Variants in ACSM6 observed in about 807,000 individuals in gnomAD.
ACSM6 encodes the protein acyl-CoA synthetase medium chain family member 6, also known as acyl-coenzyme A synthetase ACSM6, mitochondrial.
A neutral mutation model predicts 51.1 loss-of-function variants in ACSM6; 35 were observed. The observed-to-expected ratio is 0.69, with a 90% CI of 0.52 to 0.91. The LOEUF (loss-of-function observed/expected upper bound fraction) is 0.91. Ranked by LOEUF, ACSM6 falls within the 40% of genes least tolerant of loss-of-function variation. The pLI, the probability that ACSM6 is intolerant of heterozygous loss-of-function variation, is 0.00. For missense variants in ACSM6, 509 were observed against 584.1 expected, an observed-to-expected ratio of 0.87 and a Z score of 1.32; for synonymous variants, 172 against 207.3, an observed-to-expected ratio of 0.83 and a Z score of 1.46.
At chr10:95,219,151 T>C (rs955809124) in intron 8 of ACSM6, among the ~76,000 whole-genome samples, 1 of 152,206 alleles carries the variant, frequency 6.6e-6, no homozygotes, top group Non-Finnish European at 1.5e-5. Context: ...CTCTTTGGGG[T>C]GCCCTGCATG....
intron 2 of ACSM6, chr10:95,201,500 T>G (rs991646527): frequency 4.4e-6 from 2 of 455,864 alleles, no homozygotes; most frequent in Non-Finnish European, 8.8e-6. Context: ...TTCTTTTCCA[T>G]GGCTGAGTAA....
intron 10 of ACSM6, chr10:95,228,111 G>A (rs995369731): frequency 4.0e-5 from 6 of 151,584 alleles, no homozygotes; most frequent in East Asian, 1.9e-4. Flanking sequence ...TCCATGGAAC[G>A]ATCCTGCAAA....
intron 2 of ACSM6, among the ~76,000 whole-genome samples, chr10:95,197,791 G>T (rs1376663051): frequency 6.6e-6 from 1 of 152,178 alleles, no homozygotes; most frequent in African/African-American, 2.4e-5. Flanking sequence ...CGGGCTGGGG[G>T]ACAGTCAGGT....
chr10:95,219,933 A>G (rs752861857), exon 9 of ACSM6: 171 of 1,613,724 alleles, frequency 1.1e-4, no homozygotes, highest in Middle Eastern at 1.6e-4. Context: ...ATTGAAGCCA[A>G]GCTCTCTGGG....
intron 2 of ACSM6, among the ~76,000 whole-genome samples, chr10:95,199,244 A>G (rs2133370817): frequency 6.6e-6 from 1 of 152,406 alleles, no homozygotes; most frequent in South Asian, 2.1e-4. Flanking sequence ...AAAACAAGAA[A>G]TGGAGAAAGG....
chr10:95,196,503 T>G (rs1489545653), intron 2 of ACSM6, among the ~76,000 whole-genome samples: 1 of 152,226 alleles, frequency 6.6e-6, no homozygotes, highest in Non-Finnish European at 1.5e-5. Context: ...TAGAAAATAC[T>G]GGTAAACATG....
At chr10:95,199,087 C>T (rs2034765025) in intron 2 of ACSM6, among the ~76,000 whole-genome samples, 1 of 152,190 alleles carries the variant, frequency 6.6e-6, no homozygotes, top group African/African-American at 2.4e-5. Context: ...ATCATGCTAC[C>T]TGACTTCAAA....
At chr10:95,204,526 C>T (rs2034824356) in intron 3 of ACSM6, among the ~76,000 whole-genome samples, 1 of 152,068 alleles carries the variant, frequency 6.6e-6, no homozygotes, top group Non-Finnish European at 1.5e-5. Context: ...TGCACTCCAG[C>T]CTGGGTGCCA....
In ACSM6 at chr10:95,228,491, T is replaced by C. The variant is rs2035063291; in HGVS notation, c.1303-153T>C. 4 of 664,652 alleles carry C rather than the reference T, an allele frequency of 6.0e-6. No homozygotes were observed. The East Asian group carries it at 1.3e-4, about 22-fold the overall frequency. The allele number at this position is 664,652 out of a possible 1,614,324, so 41.2% of individuals were successfully genotyped here. The stretch of plus-strand genomic sequence containing the variant: ...ATGACCAAGGAAAGTTCTCCGTGTT[T>C]GTTGAGTTTTCTATGTGAGATCCCC... On this transcript the variant is annotated intron_variant, in intron 10 of 10. Transcript: ENST00000341686.
chr10:95,200,730 A>G (rs1251641729), intron 2 of ACSM6, among the ~76,000 whole-genome samples: 1 of 151,828 alleles, frequency 6.6e-6, no homozygotes, highest in Non-Finnish European at 1.5e-5. Context: ...AGGAGGAAGA[A>G]AGTTGTAAAG....
chr10:95,201,631 T>C, intron 2 of ACSM6: 1 of 470,290 alleles, frequency 2.1e-6, no homozygotes, highest in South Asian at 1.6e-5. Flanking sequence ...TGAATGCAGG[T>C]GTCTTTTTTA....
chr10:95,194,605 C>T (rs1322050104), exon 2 of ACSM6: 3 of 1,552,052 alleles, frequency 1.9e-6, no homozygotes, highest in South Asian at 1.2e-5. Context: ...ACTCCAGGTG[C>T]CTAGTCCAAG....
At chr10:95,208,475 A>G (rs150354286) in intron 4 of ACSM6, among the ~76,000 whole-genome samples, 65 of 152,296 alleles carry the variant, frequency 4.3e-4, no homozygotes, top group African/African-American at 1.4e-3. Context: ...TTAAGTTTAT[A>G]CAAAAGTAAA....
At position 95,227,913 on chromosome 10, in the gene ACSM6, C is replaced by CA. The variant is rs576008718; in HGVS notation, c.1303-723dup. On this transcript the variant is annotated intron_variant, in intron 10 of 10. Coordinates refer to ENST00000341686, the Ensembl canonical transcript of ACSM6. ...CAAAACCCCATCTCTACTAAAAATA[C>CA]AAAAAAAATTAGCCGGGCTTGGTGA... Among the ~76,000 whole-genome samples the CA allele has an allele frequency of 8.9e-4, 135 of 151,828 alleles. 1 individual carries two copies. Among genetic ancestry groups the CA allele is most frequent in the African/African-American group, 2.9e-3 (118 of 41,392 alleles).
intron 10 of ACSM6, among the ~76,000 whole-genome samples, chr10:95,227,144 G>A (rs1236720949): frequency 6.6e-6 from 1 of 151,772 alleles, no homozygotes; most frequent in African/African-American, 2.4e-5. Flanking sequence ...TCACCACCAC[G>A]CCTAGCTAAT....
At position 95,207,426 on chromosome 10, in the gene ACSM6, A is replaced by G. The variant is rs1408312766; in HGVS notation, c.611+11A>G. The G allele has an allele frequency of 6.8e-6, 11 of 1,609,750 alleles. No homozygotes were observed. In the South Asian group the frequency reaches 1.2e-4, roughly 18 times the overall value. Reference sequence around the variant, plus strand: ...CAAGAAGTTGATTCAGTAAGTGGACACTGAATATGAGATGCTTAAATGAAG... The same window carrying G: ...CAAGAAGTTGATTCAGTAAGTGGACGCTGAATATGAGATGCTTAAATGAAG... On this transcript the variant is annotated intron_variant, in intron 4 of 10. Coordinates refer to ENST00000341686, the Ensembl canonical transcript of ACSM6.
At chr10:95,206,541 C>T (rs1287356034) in intron 3 of ACSM6, among the ~76,000 whole-genome samples, 2 of 152,140 alleles carry the variant, frequency 1.3e-5, no homozygotes, top group Non-Finnish European at 2.9e-5. Flanking sequence ...TAAAGCAGAT[C>T]CTTTTCCAAA....
intron 10 of ACSM6, among the ~76,000 whole-genome samples, chr10:95,228,014 G>A (rs1209012108): frequency 2.0e-5 from 3 of 152,078 alleles, no homozygotes; most frequent in Admixed American, 2.0e-4. Context: ...GATGTTGGCA[G>A]TGAGCCGACA....
rs7091276 is a variant in ACSM6, at chr10:95,197,466, T to C, written c.192+2789T>C. Among the ~76,000 whole-genome samples, 705 of 151,660 alleles carry C rather than the reference T, an allele frequency of 4.6e-3. 4 individuals carry two copies. Among genetic ancestry groups the C allele is most frequent in the African/African-American group, 0.014 (571 of 41,116 alleles). ...AGGTCAGCAACAAACATGTGAGCAA[T>C]AGAATCTATGTCATAATTAAGTCAA... On this transcript the variant is annotated intron_variant, in intron 2 of 10. Coordinates refer to ENST00000341686, the Ensembl canonical transcript of ACSM6.
Sources: allele counts gnomAD v4.1 joint callset (sites outside exome capture counted in the v4.1 genomes callset), GRCh38; gene constraint gnomAD v4.1.1; transcripts MANE v1.5; gene names NCBI Gene and HGNC (gene_info 2026-07-23, HGNC 2026-07-21).